Variants in ARID1B observed in about 807,000 individuals in gnomAD.
ARID1B encodes the protein AT-rich interactive domain-containing protein 1B.
In ARID1B, 30 loss-of-function variants were observed where a neutral mutation model predicts 212.3. That is an observed-to-expected ratio of 0.14 (90% CI 0.11 to 0.19). ARID1B has a LOEUF of 0.19. Among genes scored for constraint, ARID1B ranks in the 10% least tolerant of loss-of-function variants. ARID1B has a pLI of 1.00. For missense variants in ARID1B, 2,891 were observed against 3,204.0 expected (o/e 0.90, Z 2.36); for synonymous variants, 1,402 against 1,301.7 (o/e 1.08, Z -1.66).
rs887533818 is a variant in ARID1B at position 157,208,179 on chromosome 6, C to G, written c.*288C>G. 1.7e-5 allele frequency: 5 copies of G among 299,648 alleles called. No homozygotes were observed. Among genetic ancestry groups the G allele is most frequent in the African/African-American group, 6.4e-5 (3 of 46,784 alleles). 18.6% of individuals were successfully genotyped at this position (299,648 alleles called of 1,614,324 possible). A position where few individuals can be genotyped will look rare whatever the true frequency, so the allele number is the denominator to read the frequency against. ...TTCAAAGGTCACTTTTTGTTCTTCA[C>G]AGATCTTTTTAATGTTCTTTCCCAT... is the stretch of plus-strand genomic sequence containing the variant. On this transcript the variant is annotated 3_prime_UTR_variant, in exon 20 of 20. Transcript: ENST00000636930.
At chr6:157,116,541 C>G (rs1787332718) in intron 6 of ARID1B, among the ~76,000 whole-genome samples, 1 of 149,624 alleles carries the variant, frequency 6.7e-6, no homozygotes, top group African/African-American at 2.5e-5. Context: ...ATTAGAAGGT[C>G]ATAATGAGGA....
chr6:157,108,470 C>T (rs1204886430), intron 5 of ARID1B, among the ~76,000 whole-genome samples: 1 of 152,196 alleles, frequency 6.6e-6, no homozygotes, highest in Non-Finnish European at 1.5e-5. Context: ...AATGTAAGCA[C>T]TTACTGTCTT....
At chr6:157,140,755 G>A (rs1242775544) in intron 7 of ARID1B, 8 of 397,630 alleles carry the variant, frequency 2.0e-5, no homozygotes, top group East Asian at 3.6e-5. Context: ...GCATACCCAC[G>A]TGTCCTTGGG....
chr6:156,857,281 T>C (rs1287694698), intron 2 of ARID1B, among the ~76,000 whole-genome samples: 1 of 152,210 alleles, frequency 6.6e-6, no homozygotes, highest in African/African-American at 2.4e-5. Flanking sequence ...ACAATATTCT[T>C]TGATTCTGTC....
intron 4 of ARID1B, among the ~76,000 whole-genome samples, chr6:156,975,397 A>G (rs1777158717): frequency 6.6e-6 from 1 of 152,098 alleles, no homozygotes; most frequent in African/African-American, 2.4e-5. Context: ...CTTTTATCAT[A>G]TATATGATTT....
At chr6:156,812,946 G>A (rs1370892860) in intron 1 of ARID1B, among the ~76,000 whole-genome samples, 1 of 131,528 alleles carries the variant, frequency 7.6e-6, no homozygotes, top group East Asian at 2.1e-4. Flanking sequence ...GTGTGTGTGT[G>A]TGTGTGTGTG....
Position 156,931,061 on chromosome 6 carries a change from A to G in ARID1B, c.2137-4405A>G, listed in dbSNP as rs561854850. Among the ~76,000 whole-genome samples the G allele has an allele frequency of 1.4e-4, 21 of 152,082 alleles. No individual in the cohort carries two copies. The South Asian group carries it at 3.3e-3, about 24-fold the overall frequency. On this transcript the variant is annotated intron_variant, in intron 3 of 19. Coordinates refer to ENST00000636930, the MANE Select transcript of ARID1B (RefSeq NM_001374828.1). ...AAAAATTAGCCAGGTGTGGTGGCAC[A>G]TGCCTGTAGTCCCAGCTACTCGGGA...
chr6:157,012,740 T>C (rs185039092), intron 4 of ARID1B, among the ~76,000 whole-genome samples: 16 of 152,380 alleles, frequency 1.1e-4, no homozygotes, highest in Admixed American at 4.6e-4. Context: ...AGTTATACTC[T>C]GTTAATATCC....
chr6:156,901,938 T>TGTTTG, intron 3 of ARID1B: 1 of 191,112 alleles, frequency 5.2e-6, no homozygotes, highest in Non-Finnish European at 1.1e-5. Flanking sequence ...TGTTTTGTTT[T>TGTTTG]AATGGTAAGT....
intron 5 of ARID1B, 37 bp downstream of exon 5, chr6:157,084,942 G>A (rs1441324950): frequency 6.4e-7 from 1 of 1,561,112 alleles, no homozygotes; most frequent in Non-Finnish European, 8.7e-7. Context: ...TTTACTTTGT[G>A]ATAAAGAGAG....
intron 4 of ARID1B, among the ~76,000 whole-genome samples, chr6:156,982,722 C>G (rs1479507234): frequency 6.6e-6 from 1 of 151,846 alleles, no homozygotes. Context: ...AAGTGTTTTT[C>G]TTTATACATA....
intron 4 of ARID1B, among the ~76,000 whole-genome samples, chr6:157,062,707 T>TA (rs368043686): frequency 0.23 from 27,473 of 120,126 alleles, 2,803 homozygotes; most frequent in Non-Finnish European, 0.25. Context: ...TATATATATA[T>TA]TTTTTTTTTT....
chr6:156,783,845 G>A (rs1168231425), intron 1 of ARID1B, among the ~76,000 whole-genome samples: 1 of 152,140 alleles, frequency 6.6e-6, no homozygotes, highest in African/African-American at 2.4e-5. Context: ...CAGCTCATGG[G>A]GTTGTGTGCT....
rs1312924715 is a variant in ARID1B, at chr6:157,201,281, C to T, written c.5056C>T (p.Leu1686=). 2 of 1,614,046 alleles carry T rather than the reference C, an allele frequency of 1.2e-6. No homozygotes were observed. Among genetic ancestry groups the T allele is most frequent in the Admixed American group, 1.7e-5 (1 of 60,008 alleles). ...CAGCCCAGCGTCCTTCCAGCGCTCC[C>T]TGGAGAACCGCATGTCTCCAAGCAA... ...APSPASFQRS[L]ENRMSPSKSP... The change falls in exon 18 of 20, where the codon CTG becomes TTG. Residue 1686 remains leucine, a synonymous_variant. Coordinates refer to ENST00000636930, the MANE Select transcript of ARID1B (RefSeq NM_001374828.1). This position sits in a 1 kb window ranked among gnomAD's most constrained non-coding sequence, Gnocchi z 5.2.
intron 7 of ARID1B, among the ~76,000 whole-genome samples, chr6:157,133,808 T>G (rs1281276582): frequency 4.6e-5 from 7 of 152,222 alleles, no homozygotes; most frequent in Non-Finnish European, 1.0e-4. Flanking sequence ...AGTGGAATCA[T>G]GTCCAGCATG....
At chr6:157,183,154 C>T (rs943750786) in intron 12 of ARID1B, among the ~76,000 whole-genome samples, 1 of 152,128 alleles carries the variant, frequency 6.6e-6, no homozygotes, top group Non-Finnish European at 1.5e-5. Context: ...GGTGCTGCCA[C>T]CACACAAAGC....
At chr6:156,938,072 C>T (rs982315722) in intron 4 of ARID1B, 13 of 151,630 alleles carry the variant, frequency 8.6e-5, no homozygotes, top group African/African-American at 3.2e-4. Context: ...AACCCCCAAT[C>T]TGTTAGGATG....
At chr6:156,951,196 T>G (rs1793558887) in intron 4 of ARID1B, among the ~76,000 whole-genome samples, 2 of 152,270 alleles carry the variant, frequency 1.3e-5, no homozygotes, top group African/African-American at 2.4e-5. Flanking sequence ...TATATAGAAT[T>G]TATAACCCTT....
intron 5 of ARID1B, among the ~76,000 whole-genome samples, chr6:157,109,764 A>G (rs1424954731): frequency 1.3e-5 from 2 of 152,186 alleles, no homozygotes; most frequent in East Asian, 1.9e-4. Flanking sequence ...AGTATTTGCT[A>G]TGTTCAGAGA....
Sources: gnomAD v4.1 joint callset for allele counts (sites outside exome capture counted in the v4.1 genomes callset) on GRCh38, gnomAD v4.1.1 for gene constraint, Gnocchi (gnomAD v3.1) non-coding constraint, MANE v1.5 for transcripts, NCBI Gene and HGNC (gene_info 2026-07-23, HGNC 2026-07-21) for gene names.